Variants in EYA2 observed in about 807,000 individuals in gnomAD.
EYA2 encodes EYA transcriptional coactivator and phosphatase 2.
In EYA2, 31 loss-of-function variants were observed where a neutral mutation model predicts 69.2. The ratio of observed to expected loss-of-function variants is 0.45; its 90% CI spans 0.34 to 0.60. The LOEUF (loss-of-function observed/expected upper bound fraction) is 0.60, where lower values mean the gene tolerates loss of function less well. Among genes scored for constraint, EYA2 ranks in the 20% least tolerant of loss-of-function variants. The pLI is 0.02. For missense variants in EYA2, 622 were observed against 701.2 expected (o/e 0.89, Z 1.28); for synonymous variants, 257 against 279.4 (o/e 0.92, Z 0.80).
chr20:46,899,853 A>G (rs1234973815), intron 1 of EYA2, among the ~76,000 whole-genome samples: 3 of 152,238 alleles, frequency 2.0e-5, no homozygotes, highest in South Asian at 4.1e-4. Context: ...GGATGATAGT[A>G]GTCAGAACAC....
intron 9 of EYA2, among the ~76,000 whole-genome samples, chr20:47,129,134 AAAT>A (rs1600728898): frequency 6.6e-6 from 1 of 152,302 alleles, no homozygotes; most frequent in East Asian, 1.9e-4. Context: ...CAAAAAAAGA[AAAT>A]AAATTAACCA....
intron 2 of EYA2, among the ~76,000 whole-genome samples, chr20:46,993,116 C>A (rs1256106914): frequency 2.6e-5 from 4 of 152,186 alleles, no homozygotes; most frequent in Admixed American, 6.5e-5. Flanking sequence ...GCTGTGGGAC[C>A]CTGGCTAGTG....
chr20:47,188,686 A>G lies in EYA2; in HGVS notation c.*553A>G, dbSNP rs997569057. On this transcript the variant is annotated 3_prime_UTR_variant, in exon 16 of 16. Coordinates refer to ENST00000327619, the MANE Select transcript of EYA2 (RefSeq NM_005244.5). Reference sequence around the variant, plus strand: ...GGCAGTTCAAGCTGTTGAAAAGACTATTGCTTATTTTTGTTTTTAAAGACC... The same window carrying G: ...GGCAGTTCAAGCTGTTGAAAAGACTGTTGCTTATTTTTGTTTTTAAAGACC... 1.2e-5 allele frequency: 3 copies of G among 253,168 alleles called. No individual in the cohort carries two copies. Among genetic ancestry groups the G allele is most frequent in the East Asian group, 7.3e-5 (1 of 13,688 alleles). The allele number at this position is 253,168 out of a possible 1,614,324, so 15.7% of individuals were successfully genotyped here.
intron 1 of EYA2, among the ~76,000 whole-genome samples, chr20:46,905,311 T>C (rs1003562702): frequency 1.3e-5 from 2 of 152,208 alleles, no homozygotes; most frequent in African/African-American, 4.8e-5. Context: ...ACCCAAAGCA[T>C]GGGCCTGTTG....
chr20:46,914,865 G>A (rs1043131468), intron 1 of EYA2, among the ~76,000 whole-genome samples: 1 of 152,234 alleles, frequency 6.6e-6, no homozygotes, highest in Non-Finnish European at 1.5e-5. Flanking sequence ...AGGGAATCAT[G>A]ACCATGATTG....
At chr20:46,975,982 T>A (rs1420062931) in intron 1 of EYA2, among the ~76,000 whole-genome samples, 1 of 152,238 alleles carries the variant, frequency 6.6e-6, no homozygotes, top group African/African-American at 2.4e-5. Context: ...GGTTTCCTTT[T>A]GTCATAGGAC....
intron 10 of EYA2, among the ~76,000 whole-genome samples, chr20:47,155,950 G>C (rs1031563568): frequency 1.3e-4 from 20 of 149,996 alleles, no homozygotes; most frequent in African/African-American, 4.6e-4. Flanking sequence ...ACCAAGGTGG[G>C]CAGGTCACTT....
At chr20:47,083,719 G>C (rs2031801503) in intron 7 of EYA2, among the ~76,000 whole-genome samples, 3 of 152,054 alleles carry the variant, frequency 2.0e-5, no homozygotes, top group Non-Finnish European at 4.4e-5. Context: ...ACAGTTTTGT[G>C]ACTTTGATTT....
chr20:46,949,837 C>T (rs914205976), intron 1 of EYA2, among the ~76,000 whole-genome samples: 11 of 152,250 alleles, frequency 7.2e-5, no homozygotes, highest in African/African-American at 2.7e-4. Flanking sequence ...CAACCCTTGG[C>T]TGTGCCACTT....
At chr20:46,962,015 TTTTC>T (rs1302716725) in intron 1 of EYA2, among the ~76,000 whole-genome samples, 8 of 152,042 alleles carry the variant, frequency 5.3e-5, no homozygotes, top group Non-Finnish European at 7.4e-5. Flanking sequence ...GAAAAGCAGA[TTTTC>T]TTTCTTTCTT....
chr20:47,125,697 A>C (rs1279330436), intron 9 of EYA2, among the ~76,000 whole-genome samples: 1 of 152,232 alleles, frequency 6.6e-6, no homozygotes, highest in Non-Finnish European at 1.5e-5. Context: ...TCTGGCTGAC[A>C]CTTCCAAGAG....
chr20:47,084,440 C>G (rs2031827909), intron 7 of EYA2, among the ~76,000 whole-genome samples: 1 of 152,114 alleles, frequency 6.6e-6, no homozygotes, highest in Non-Finnish European at 1.5e-5. Flanking sequence ...ACTCAGGAGG[C>G]TGAGGCAGGA....
At chr20:47,110,083 C>T (rs763090012) in intron 9 of EYA2, among the ~76,000 whole-genome samples, 1 of 152,134 alleles carries the variant, frequency 6.6e-6, no homozygotes, top group Non-Finnish European at 1.5e-5. Context: ...TTTACACCCT[C>T]TCTCTCATTT....
At chr20:47,088,367 G>A (rs545098102) in intron 7 of EYA2, among the ~76,000 whole-genome samples, 1 of 152,344 alleles carries the variant, frequency 6.6e-6, no homozygotes, top group South Asian at 2.1e-4. Context: ...AGGTGGAAGA[G>A]TGTAATGCTC....
At chr20:47,037,662 A>C (rs6066176) in intron 5 of EYA2, among the ~76,000 whole-genome samples, 133,314 of 152,098 alleles carry the variant, frequency 0.88, 59,269 homozygotes, top group Non-Finnish European at 0.97. Context: ...TGGCTTGTAG[A>C]CCCTTCCTCA....
At chr20:47,012,970 C>T (rs908434361) in intron 4 of EYA2, among the ~76,000 whole-genome samples, 2 of 152,188 alleles carry the variant, frequency 1.3e-5, no homozygotes, top group Admixed American at 1.3e-4. Context: ...ACTTAGGGGA[C>T]GAAGGCCCTC....
chr20:47,120,973 G>A (rs73913806), intron 9 of EYA2, among the ~76,000 whole-genome samples: 1,940 of 152,248 alleles, frequency 0.013, 42 homozygotes, highest in African/African-American at 0.043. Context: ...TGGAGAATTG[G>A]TGCTAATTCT....
At chr20:47,126,062 CG>C (rs1215717508) in intron 9 of EYA2, among the ~76,000 whole-genome samples, 1 of 152,132 alleles carries the variant, frequency 6.6e-6, no homozygotes, top group Non-Finnish European at 1.5e-5. Flanking sequence ...GGTCTGCAGA[CG>C]GGCAGGTCTG....
chr20:46,974,319 T>C (rs1980321289), intron 1 of EYA2, among the ~76,000 whole-genome samples: 1 of 152,198 alleles, frequency 6.6e-6, no homozygotes, highest in African/African-American at 2.4e-5. Context: ...CTCTTACCCA[T>C]TTTCCAACAT....
Sources: gnomAD v4.1 joint callset for allele counts (sites outside exome capture counted in the v4.1 genomes callset) on GRCh38, gnomAD v4.1.1 for gene constraint, MANE v1.5 for transcripts, NCBI Gene and HGNC (gene_info 2026-07-23, HGNC 2026-07-21) for gene names.